Variants in RIMS1 observed in about 807,000 individuals in gnomAD.
The protein encoded by RIMS1 is regulating synaptic membrane exocytosis 1.
RIMS1 carries 83 observed loss-of-function variants against 214.1 expected under a neutral mutation model. The observed-to-expected ratio is 0.39, with a 90% CI of 0.32 to 0.47. RIMS1 has a LOEUF of 0.47. Ranked by LOEUF, RIMS1 falls within the 20% of genes least tolerant of loss-of-function variation. The pLI is 0.99. For missense variants in RIMS1, 2,050 were observed against 2,161.8 expected, an observed-to-expected ratio of 0.95 and a Z score of 1.03; for synonymous variants, 793 against 786.8, an observed-to-expected ratio of 1.01 and a Z score of -0.13.
chr6:72,019,433 C>T (rs1384753003), intron 2 of RIMS1, among the ~76,000 whole-genome samples: 1 of 152,148 alleles, frequency 6.6e-6, no homozygotes, highest in East Asian at 1.9e-4. Flanking sequence ...GTGACATTGT[C>T]ATGTTATGAA....
intron 6 of RIMS1, among the ~76,000 whole-genome samples, chr6:72,217,664 G>T (rs1334169017): frequency 6.6e-6 from 1 of 152,126 alleles, no homozygotes; most frequent in Non-Finnish European, 1.5e-5. Context: ...TATATAGATT[G>T]TTCTTTTCAA....
chr6:71,902,673 C>T (rs1248665017), intron 1 of RIMS1, among the ~76,000 whole-genome samples: 5 of 152,014 alleles, frequency 3.3e-5, no homozygotes, highest in Non-Finnish European at 5.9e-5. Flanking sequence ...CTTCCTGATG[C>T]TCTCCCTCCC....
chr6:72,043,915 C>T (rs1335057447), intron 2 of RIMS1, among the ~76,000 whole-genome samples: 1 of 151,272 alleles, frequency 6.6e-6, no homozygotes, highest in East Asian at 1.9e-4. Flanking sequence ...ACCCAACAAC[C>T]CCTGTGTGTA....
chr6:71,964,349 G>C (rs968305834), intron 1 of RIMS1, among the ~76,000 whole-genome samples: 3 of 152,202 alleles, frequency 2.0e-5, no homozygotes, highest in South Asian at 4.1e-4. Flanking sequence ...AGAGGTGGCA[G>C]GACCTGATTT....
intron 28 of RIMS1, among the ~76,000 whole-genome samples, chr6:72,331,014 A>C (rs966954076): frequency 1.3e-5 from 2 of 151,708 alleles, no homozygotes; most frequent in Non-Finnish European, 2.9e-5. Flanking sequence ...CCTCCCAATG[A>C]TAACACTTGT....
intron 2 of RIMS1, among the ~76,000 whole-genome samples, chr6:72,040,566 A>T (rs12529960): frequency 0.11 from 17,389 of 151,954 alleles, 1,182 homozygotes; most frequent in South Asian, 0.18. Context: ...AACAACCTGA[A>T]AATTAGACCT....
chr6:72,104,743 C>T (rs922932367), intron 4 of RIMS1, among the ~76,000 whole-genome samples: 16 of 152,248 alleles, frequency 1.1e-4, no homozygotes, highest in African/African-American at 3.9e-4. Flanking sequence ...GATGTTTCTA[C>T]ATTTGCTGTA....
chr6:72,070,527 AT>A (rs1830355567), intron 2 of RIMS1, among the ~76,000 whole-genome samples: 1 of 152,228 alleles, frequency 6.6e-6, no homozygotes, highest in South Asian at 2.1e-4. Context: ...CATAAAAACA[AT>A]AAAGACATTC....
At chr6:72,215,495 A>G (rs1025961525) in intron 6 of RIMS1, among the ~76,000 whole-genome samples, 1 of 152,232 alleles carries the variant, frequency 6.6e-6, no homozygotes, top group South Asian at 2.1e-4. Context: ...CTTATAAATC[A>G]TGGACTTCGG....
At chr6:72,201,254 G>A (rs2051931919) in intron 6 of RIMS1, among the ~76,000 whole-genome samples, 1 of 152,128 alleles carries the variant, frequency 6.6e-6, no homozygotes, top group African/African-American at 2.4e-5. Flanking sequence ...CAAATTTTAT[G>A]TGTAATATAT....
intron 4 of RIMS1, among the ~76,000 whole-genome samples, chr6:72,160,711 C>G (rs1381361245): frequency 7.1e-6 from 1 of 140,808 alleles, no homozygotes; most frequent in African/African-American, 2.5e-5. Flanking sequence ...GTTGAACCAG[C>G]CTTGCATCCC....
At chr6:71,981,701 C>T (rs796520446) in intron 2 of RIMS1, among the ~76,000 whole-genome samples, 53 of 152,132 alleles carry the variant, frequency 3.5e-4, no homozygotes, top group African/African-American at 1.3e-3. Flanking sequence ...ATCTCTAATC[C>T]GGCAATACTT....
chr6:72,229,265 CAG>C (rs66833352), intron 6 of RIMS1, among the ~76,000 whole-genome samples: 106,282 of 151,242 alleles, frequency 0.7, 38,173 homozygotes, highest in East Asian at 0.98. Flanking sequence ...ATAAAATTAA[CAG>C]AAAGTATTTG....
At chr6:72,237,576 C>G (rs1229055011) in intron 8 of RIMS1, among the ~76,000 whole-genome samples, 4 of 148,744 alleles carry the variant, frequency 2.7e-5, no homozygotes, top group Admixed American at 6.7e-5. Flanking sequence ...CTTGGTAGGC[C>G]AAAGTTAAAG....
chr6:72,299,692 GA>G (rs772171411), intron 26 of RIMS1, among the ~76,000 whole-genome samples: 1 of 151,658 alleles, frequency 6.6e-6, no homozygotes, highest in Non-Finnish European at 1.5e-5. Flanking sequence ...GTAAAGAAGC[GA>G]AAAACATTAA....
chr6:72,252,987 A>G (rs1305201115), intron 16 of RIMS1, among the ~76,000 whole-genome samples, 155 bp downstream of exon 16: 1 of 152,198 alleles, frequency 6.6e-6, no homozygotes, highest in Non-Finnish European at 1.5e-5. Flanking sequence ...TCAAATTATT[A>G]AGAAAGTTTT....
At chr6:72,193,903 G>A (rs2050455503) in intron 6 of RIMS1, among the ~76,000 whole-genome samples, 1 of 152,118 alleles carries the variant, frequency 6.6e-6, no homozygotes. Flanking sequence ...CCCCAATAGA[G>A]TGAGAAGGCA....
At chr6:72,012,392 A>C (rs1398012981) in intron 2 of RIMS1, among the ~76,000 whole-genome samples, 1 of 152,206 alleles carries the variant, frequency 6.6e-6, no homozygotes, top group Admixed American at 6.5e-5. Context: ...TGACGAGTTA[A>C]TGGGTGCAGC....
intron 29 of RIMS1, among the ~76,000 whole-genome samples, chr6:72,354,723 CTTGTAT>C (rs2097571697): frequency 1.3e-5 from 2 of 152,030 alleles, no homozygotes; most frequent in Non-Finnish European, 2.9e-5. Flanking sequence ...TTTTATTCAC[CTTGTAT>C]TTGTAAACCC....
Sources: gnomAD v4.1 joint callset for allele counts (sites outside exome capture counted in the v4.1 genomes callset) on GRCh38, gnomAD v4.1.1 for gene constraint, MANE v1.5 for transcripts, NCBI Gene and HGNC (gene_info 2026-07-23, HGNC 2026-07-21) for gene names.